Variants in FAM81B observed in about 807,000 individuals in gnomAD.
FAM81B encodes the protein protein FAM81B.
FAM81B carries 60 observed loss-of-function variants against 58.7 expected under a neutral mutation model. The observed-to-expected ratio is 1.02, with a 90% confidence interval of 0.83 to 1.27. The LOEUF (loss-of-function observed/expected upper bound fraction) is 1.27. Among genes scored for constraint, FAM81B ranks in the 50% most tolerant of loss-of-function variants. The pLI is 0.00. For synonymous variants in FAM81B, 189 were observed against 179.6 expected (o/e 1.05, Z -0.42); for missense variants, 491 against 522.0 (o/e 0.94, Z 0.58).
chr5:95,395,280 A>T (rs58232309), intron 2 of FAM81B, among the ~76,000 whole-genome samples: 1 of 152,130 alleles, frequency 6.6e-6, no homozygotes, highest in African/African-American at 2.4e-5. Context: ...TCTACTAAAA[A>T]TACAAAAAAA....
intron 4 of FAM81B, among the ~76,000 whole-genome samples, chr5:95,418,137 C>T (rs969161458): frequency 1.3e-5 from 2 of 152,250 alleles, no homozygotes; most frequent in East Asian, 3.9e-4. Context: ...TGTTTCATCC[C>T]ACCCATGGTG....
intron 3 of FAM81B, among the ~76,000 whole-genome samples, chr5:95,409,319 C>T (rs569775823): frequency 1.4e-4 from 21 of 151,926 alleles, no homozygotes; most frequent in African/African-American, 3.9e-4. Flanking sequence ...CCACCACATC[C>T]GGCTAACTTT....
intron 7 of FAM81B, among the ~76,000 whole-genome samples, chr5:95,442,323 T>C (rs1186961535): frequency 6.6e-6 from 1 of 151,970 alleles, no homozygotes; most frequent in Non-Finnish European, 1.5e-5. Context: ...AGATGATGTA[T>C]CAATAGGCAG....
At chr5:95,408,878 G>A (rs902173104) in intron 3 of FAM81B, among the ~76,000 whole-genome samples, 7 of 152,122 alleles carry the variant, frequency 4.6e-5, no homozygotes, top group African/African-American at 1.7e-4. Context: ...GCTCAGTGAC[G>A]TTTTCTTCCC....
chr5:95,407,427 C>T (rs11745585), intron 3 of FAM81B, among the ~76,000 whole-genome samples: 27,968 of 146,620 alleles, frequency 0.19, 2,950 homozygotes, highest in Middle Eastern at 0.28. Flanking sequence ...CACACGCGTG[C>T]GCGCACACAA....
At position 95,428,659 on chromosome 5, in the gene FAM81B, A is replaced by C; in HGVS notation, c.713A>C (p.His238Pro). 1 of 1,614,054 alleles carries C rather than the reference A, an allele frequency of 6.2e-7. No homozygotes were observed. Among genetic ancestry groups the C allele is most frequent in the Non-Finnish European group, 8.5e-7 (1 of 1,179,868 alleles). Residue 238 changes from histidine (H) to proline (P), a missense_variant, in exon 6 of 10, where the codon CAC becomes CCC. His to Pro is a moderately conservative substitution (Grantham distance 77). Transcript: ENST00000283357. ...GACATTCACTTATTCAGGCAAGAGC[A>C]CCGGCAAATTGAGAAAGCCATTCAA... ...SGDIHLFRQE[H>P]RQIEKAIQEF...
chr5:95,425,756 T>C (rs1427636778), intron 5 of FAM81B, among the ~76,000 whole-genome samples: 7 of 152,142 alleles, frequency 4.6e-5, no homozygotes, highest in Admixed American at 1.3e-4. Context: ...ATTTTAAAAT[T>C]AGCAAATTTT....
chr5:95,419,467 A>G (rs139782410), intron 4 of FAM81B, among the ~76,000 whole-genome samples: 1,730 of 152,270 alleles, frequency 0.011, 34 homozygotes, highest in African/African-American at 0.04. Flanking sequence ...CTACATTGGA[A>G]TTTATTTGAA....
Position 95,435,234 on chromosome 5 carries a change from T to C in FAM81B, c.787-1566T>C, listed in dbSNP as rs76366915. On this transcript the variant is annotated intron_variant, in intron 6 of 9. Coordinates refer to ENST00000283357, the MANE Select transcript of FAM81B (RefSeq NM_152548.3). ...GCAGTAGGACATCTAAGAGGCACAT[T>C]TTCATGTGAAACACTAAAATCAAGA... Among the ~76,000 whole-genome samples the C allele has an allele frequency of 5.5e-3, 838 of 152,316 alleles. 10 individuals are homozygous for C. The highest frequency in any genetic ancestry group is 0.019 in the African/African-American group (782 of 41,560).
chr5:95,443,949 C>T (rs984689529), intron 7 of FAM81B, among the ~76,000 whole-genome samples: 1 of 151,916 alleles, frequency 6.6e-6, no homozygotes, highest in Non-Finnish European at 1.5e-5. Flanking sequence ...AGAGTAAATG[C>T]TCTCATTTAT....
intron 4 of FAM81B, among the ~76,000 whole-genome samples, chr5:95,419,309 C>T (rs550509046): frequency 1.3e-5 from 2 of 152,188 alleles, no homozygotes; most frequent in South Asian, 4.2e-4. Flanking sequence ...AAATTCATAA[C>T]CATAGTTTAA....
At chr5:95,440,670 C>A in intron 7 of FAM81B, 2 of 856,528 alleles carry the variant, frequency 2.3e-6, no homozygotes, top group Non-Finnish European at 3.4e-6. Flanking sequence ...AGACCACAGA[C>A]TGGGAAAAGT....
intron 7 of FAM81B, among the ~76,000 whole-genome samples, chr5:95,441,732 A>G (rs1745361836): frequency 6.6e-6 from 1 of 152,156 alleles, no homozygotes; most frequent in Non-Finnish European, 1.5e-5. Context: ...TTTCTAGTGA[A>G]TTGCTGGGAT....
intron 3 of FAM81B, among the ~76,000 whole-genome samples, chr5:95,401,146 C>T (rs1762102115): frequency 6.6e-6 from 1 of 152,142 alleles, no homozygotes. Flanking sequence ...ACCAATCGTA[C>T]CAGGCACATC....
chr5:95,407,744 C>G (rs763934819), intron 3 of FAM81B, among the ~76,000 whole-genome samples: 1 of 152,202 alleles, frequency 6.6e-6, no homozygotes, highest in African/African-American at 2.4e-5. Flanking sequence ...AGTTCTACAA[C>G]TTCTAGGTTT....
At chr5:95,414,265 C>G (rs6556866) in intron 4 of FAM81B, 75 bp downstream of exon 4, 407,045 of 1,459,734 alleles carry the variant, frequency 0.28, 59,085 homozygotes, top group Middle Eastern at 0.31. Context: ...TATCAACCAT[C>G]AGTGTCATTT....
At chr5:95,393,221 G>T (rs1347487420) in intron 2 of FAM81B, among the ~76,000 whole-genome samples, 1 of 152,074 alleles carries the variant, frequency 6.6e-6, no homozygotes, top group African/African-American at 2.4e-5. Flanking sequence ...CATGAAAACC[G>T]GTATAGCTAA....
At chr5:95,392,936 T>C in intron 2 of FAM81B, 39 bp downstream of exon 2, 2 of 1,507,496 alleles carry the variant, frequency 1.3e-6, no homozygotes, top group Non-Finnish European at 1.8e-6. Flanking sequence ...AGTAGAATAC[T>C]TTGCTCAGCT....
intron 5 of FAM81B, among the ~76,000 whole-genome samples, chr5:95,422,322 T>C (rs1438026277): frequency 1.3e-5 from 2 of 149,836 alleles, no homozygotes; most frequent in Non-Finnish European, 1.5e-5. Flanking sequence ...ATAAATAATA[T>C]ATAGAAATAT....
Sources: allele counts gnomAD v4.1 joint callset (sites outside exome capture counted in the v4.1 genomes callset), GRCh38; gene constraint gnomAD v4.1.1; transcripts MANE v1.5; gene names NCBI Gene and HGNC (gene_info 2026-07-23, HGNC 2026-07-21).